CDH16: variants seen among roughly 807,000 people sequenced by gnomAD.
CDH16 encodes the protein cadherin-16.
In CDH16, 79 loss-of-function variants were observed where a neutral mutation model predicts 87.6. The ratio of observed to expected loss-of-function variants is 0.90; its 90% confidence interval spans 0.75 to 1.09. CDH16 has a LOEUF of 1.09. CDH16 is among the 50% of genes least tolerant of loss of function. The probability of loss-of-function intolerance (pLI) is 0.00; values close to 1 mark genes in which losing one functional copy is unlikely to be tolerated. For missense variants in CDH16, 1,124 were observed against 1,071.7 expected (o/e 1.05, Z -0.68); for synonymous variants, 457 against 439.5 (o/e 1.04, Z -0.50).
chr16:66,915,338 C>T lies in CDH16; in HGVS notation c.465G>A (p.Glu155=). 6.2e-7 allele frequency: 1 copy of T among 1,613,954 alleles called. No individual in the cohort carries two copies. Among genetic ancestry groups the T allele is most frequent in the Non-Finnish European group, 8.5e-7 (1 of 1,179,990 alleles). The change falls in exon 6 of 18, where the codon GAG becomes GAA. Residue 155 remains glutamate, a synonymous_variant. Coordinates refer to ENST00000299752, the MANE Select transcript of CDH16 (RefSeq NM_004062.4). ...FLFLEASDRD[E]PGTANSDLRF... is the part of the protein sequence containing the mutation. ...GAAGATCCGAGTTGGCTGTGCCTGGCTCATCCCGGTCTGAAGCCTCAAGGA... is the reference window on the plus strand; with the variant it reads ...GAAGATCCGAGTTGGCTGTGCCTGGTTCATCCCGGTCTGAAGCCTCAAGGA...
chr16:66,916,479 T>C lies in CDH16; in HGVS notation c.130-50A>G, dbSNP rs2145471003. ...GGGAGCGGTGGCCAGGCCTGGGAGATGCCCCTCCTCCACCTGATGGCCTCA... is the reference window on the plus strand; with the variant it reads ...GGGAGCGGTGGCCAGGCCTGGGAGACGCCCCTCCTCCACCTGATGGCCTCA... On this transcript the variant is annotated intron_variant, in intron 3 of 17. Transcript: ENST00000299752. The surrounding 1 kb of genome is among the most constrained non-coding windows in gnomAD (Gnocchi z 4.1). 2 of 1,522,540 alleles carry C rather than the reference T, an allele frequency of 1.3e-6. No homozygotes were observed. The highest frequency in any genetic ancestry group is 1.8e-6 in the Non-Finnish European group (2 of 1,135,416). 94.3% of individuals were successfully genotyped at this position (1,522,540 alleles called of 1,614,324 possible). A position where few individuals can be genotyped will look rare whatever the true frequency, so the allele number is the denominator to read the frequency against.
chr16:66,912,952 C>A lies in CDH16; in HGVS notation c.1055-61G>T, dbSNP rs1038620049. 3.3e-6 allele frequency: 5 copies of A among 1,496,690 alleles called. No homozygotes were observed. The African/African-American group carries it at 6.9e-5, about 21-fold the overall frequency. The allele number at this position is 1,496,690 out of a possible 1,614,324, so 92.7% of individuals were successfully genotyped here. ...CCCAGCCTGGAGACCTTACCCCACC[C>A]ACTCCTTATTTTGTGCCAAACTAAA... is the stretch of plus-strand genomic sequence containing the variant. On this transcript the variant is annotated intron_variant, in intron 9 of 17. Transcript: ENST00000299752.
chr16:66,917,920 C>T (rs1009576750), intron 2 of CDH16, 101 bp downstream of exon 2: 2 of 1,154,896 alleles, frequency 1.7e-6, no homozygotes, highest in Non-Finnish European at 2.5e-6. Flanking sequence ...ATGCCTTGCA[C>T]CGTTCTCACG....
chr16:66,908,667 C>T (rs1000184072), intron 17 of CDH16, among the ~76,000 whole-genome samples, 178 bp from the exon 18 acceptor site: 3 of 152,118 alleles, frequency 2.0e-5, no homozygotes, highest in East Asian at 1.9e-4. Flanking sequence ...ACTCCTCGGC[C>T]GGCTTGGCCC....
At chr16:66,913,676 G>T (rs1430709245) in intron 7 of CDH16, 63 bp from the exon 8 acceptor site, 2 of 1,585,822 alleles carry the variant, frequency 1.3e-6, no homozygotes, top group South Asian at 1.1e-5. Context: ...CGCCCCATCT[G>T]ATTTCTCGTT....
intron 13 of CDH16, 36 bp downstream of exon 13, chr16:66,911,863 A>C: frequency 6.4e-7 from 1 of 1,554,374 alleles, no homozygotes; most frequent in African/African-American, 1.4e-5. Flanking sequence ...AGCAGGGGCA[A>C]TCCAGTCCAG....
Position 66,909,430 on chromosome 16 carries a change from C to T in CDH16, c.2276-47G>A. Reference sequence around the variant, plus strand: ...GTAAGGGGAGGGAGGGGAGGGCTCCCCAGCTGCTCAGAGCCCCCAGCCCAG... The same window carrying T: ...GTAAGGGGAGGGAGGGGAGGGCTCCTCAGCTGCTCAGAGCCCCCAGCCCAG... On this transcript the variant is annotated intron_variant, in intron 16 of 17. Transcript: ENST00000299752. This position sits in a 1 kb window ranked among gnomAD's most constrained non-coding sequence, Gnocchi z 4.1. 8.0e-7 allele frequency: 1 copy of T among 1,248,236 alleles called. No individual in the cohort carries two copies. The highest frequency in any genetic ancestry group is 1.2e-6 in the Non-Finnish European group (1 of 864,906). The allele number at this position is 1,248,236 out of a possible 1,614,324, so 77.3% of individuals were successfully genotyped here. A position where few individuals can be genotyped will look rare whatever the true frequency, so the allele number is the denominator to read the frequency against.
At chr16:66,914,515 G>A in intron 6 of CDH16, 103 bp from the exon 7 acceptor site, 1 of 784,942 alleles carries the variant, frequency 1.3e-6, no homozygotes, top group Admixed American at 2.4e-5. Flanking sequence ...TACAGCAGGT[G>A]ATTGGGACAC....
chr16:66,910,932 G>A (rs1037564889), intron 14 of CDH16: 2 of 470,720 alleles, frequency 4.2e-6, no homozygotes, highest in Non-Finnish European at 7.5e-6. Context: ...AGTGGCTAAA[G>A]GACAGGGCTG....
chr16:66,911,046 C>G, intron 14 of CDH16, 136 bp downstream of exon 14: 1 of 798,834 alleles, frequency 1.3e-6, no homozygotes, highest in African/African-American at 1.7e-5. Context: ...AACATTGAAC[C>G]CAGCTTCATA....
In CDH16 at chr16:66,916,261, G is replaced by A; in HGVS notation, c.285+13C>T. ...GCCTTGCCTGCTCTCCCCTACACCTGGCCCAGCCATACCTGTAGCTGGTAC... is the reference window on the plus strand; with the variant it reads ...GCCTTGCCTGCTCTCCCCTACACCTAGCCCAGCCATACCTGTAGCTGGTAC... On this transcript the variant is annotated intron_variant, in intron 4 of 17. Coordinates refer to ENST00000299752, the MANE Select transcript of CDH16 (RefSeq NM_004062.4). This position sits in a 1 kb window ranked among gnomAD's most constrained non-coding sequence, Gnocchi z 4.1. The A allele has an allele frequency of 6.2e-7, 1 of 1,613,824 alleles. No individual in the cohort carries two copies. Among genetic ancestry groups the A allele is most frequent in the Non-Finnish European group, 8.5e-7 (1 of 1,179,736 alleles).
rs1402416853 is a variant in CDH16, at chr16:66,916,307, C to T, written c.252G>A (p.Leu84=). 1 of 1,614,118 alleles carries T rather than the reference C, an allele frequency of 6.2e-7. No homozygotes were observed. The highest frequency in any genetic ancestry group is 1.7e-5 in the Admixed American group (1 of 60,034). The change falls in exon 4 of 18, where the codon CTG becomes CTA. Residue 84 remains leucine, a synonymous_variant. Transcript: ENST00000299752. This position sits in a 1 kb window ranked among gnomAD's most constrained non-coding sequence, Gnocchi z 4.1. ...DSGFLLVTRA[L]DREEQAEYQL... ...GGTACTCTGCCTGCTCCTCTCGGTCCAGGGCCCTGGTCACCAGCAGGAAGC... is the reference window on the plus strand; with the variant it reads ...GGTACTCTGCCTGCTCCTCTCGGTCTAGGGCCCTGGTCACCAGCAGGAAGC...
In CDH16 at chr16:66,913,976, C is replaced by T. The variant is rs557120496; in HGVS notation, c.780+240G>A. On this transcript the variant is annotated intron_variant, in intron 7 of 17. Coordinates refer to ENST00000299752, the MANE Select transcript of CDH16 (RefSeq NM_004062.4). ...CTGTTCTCTCTGAGGAAGCCCTGGGCAAGTTCAAGAGGTCAGAGCACAGAG... is the reference window on the plus strand; with the variant it reads ...CTGTTCTCTCTGAGGAAGCCCTGGGTAAGTTCAAGAGGTCAGAGCACAGAG... 3.3e-5 allele frequency among the ~76,000 whole-genome samples: 5 copies of T among 152,322 alleles called. No homozygotes were observed. In the East Asian group the frequency reaches 7.7e-4, roughly 23 times the overall value.
Position 66,915,292 on chromosome 16 carries a change from C to A in CDH16, c.511G>T (p.Ala171Ser), listed in dbSNP as rs373325194. The A allele has an allele frequency of 6.2e-6, 10 of 1,613,888 alleles. No homozygotes were observed. The highest frequency in any genetic ancestry group is 7.6e-6 in the Non-Finnish European group (9 of 1,180,010). ...ATGTCTGGGGAAGGCTGGGCTGGAG[C>A]CTGGCTCAGGATGTGGAATCGAAGA... Reference protein sequence around the residue: ...SDLRFHILSQAPAQPSPDMFQ... With the variant: ...SDLRFHILSQSPAQPSPDMFQ... Residue 171 changes from alanine (A) to serine (S), a missense_variant, in exon 6 of 18, where the codon GCT becomes TCT. Ala to Ser is a moderately conservative substitution (Grantham distance 99). Transcript: ENST00000299752.
chr16:66,911,641 G>T (rs1477798096), intron 13 of CDH16, among the ~76,000 whole-genome samples: 1 of 152,144 alleles, frequency 6.6e-6, no homozygotes, highest in African/African-American at 2.4e-5. Flanking sequence ...TCTGTTGGGG[G>T]GCATTGGAGG....
At chr16:66,911,366 T>A in intron 13 of CDH16, 51 bp from the exon 14 acceptor site, 1 of 1,584,704 alleles carries the variant, frequency 6.3e-7, no homozygotes, top group African/African-American at 1.3e-5. Flanking sequence ...ATATAGGGTT[T>A]TGCTCAGAAT....
At chr16:66,917,813 C>T (rs921120282) in intron 2 of CDH16, 88 bp from the exon 3 acceptor site, 2 of 1,222,722 alleles carry the variant, frequency 1.6e-6, no homozygotes, top group Non-Finnish European at 2.3e-6. Flanking sequence ...TCCGCCCCTT[C>T]CCAGGGCCTG....
Position 66,909,238 on chromosome 16 carries a change from C to T in CDH16, c.2392+29G>A. The T allele has an allele frequency of 7.2e-7, 1 of 1,390,920 alleles. No homozygotes were observed. The highest frequency in any genetic ancestry group is 1.0e-6 in the Non-Finnish European group (1 of 976,142). The allele number at this position is 1,390,920 out of a possible 1,614,324, so 86.2% of individuals were successfully genotyped here. ...GGTCCCAACCACCCATCGCCCTCGC[C>T]CACGCAGGTAATGTCCAACCTCCAT... On this transcript the variant is annotated intron_variant, in intron 17 of 17. Transcript: ENST00000299752. The surrounding 1 kb of genome is among the most constrained non-coding windows in gnomAD (Gnocchi z 4.1).
Position 66,917,652 on chromosome 16 carries a change from T to C in CDH16, c.119A>G (p.Tyr40Cys). Residue 40 changes from tyrosine (Y) to cysteine (C), a missense_variant, in exon 3 of 18, where the codon TAC becomes TGC. Tyr to Cys is a radical substitution (Grantham distance 194). Coordinates refer to ENST00000299752, the MANE Select transcript of CDH16 (RefSeq NM_004062.4). Reference protein sequence around the residue: ...PENYGGNFPLYLTKLPLPREG... With the variant: ...PENYGGNFPLCLTKLPLPREG... The stretch of plus-strand genomic sequence containing the variant: ...AGCTCTCCGGCTCACCTTGGTCAGG[T>C]ATAAAGGGAAATTTCCACCATAGTT... 1 of 1,612,754 alleles carries C rather than the reference T, an allele frequency of 6.2e-7. No homozygotes were observed. The highest frequency in any genetic ancestry group is 8.5e-7 in the Non-Finnish European group (1 of 1,179,252).
Sources: allele counts gnomAD v4.1 joint callset (sites outside exome capture counted in the v4.1 genomes callset), GRCh38; gene constraint gnomAD v4.1.1; non-coding constraint Gnocchi (gnomAD v3.1); transcripts MANE v1.5; gene names NCBI Gene and HGNC (gene_info 2026-07-23, HGNC 2026-07-21).